The following APOLD1 variants were observed in gnomAD, a reference collection of about 807,000 sequenced individuals.
APOLD1 encodes the protein apolipoprotein L domain-containing protein 1.
Under a neutral mutation model 15.3 loss-of-function variants are expected in APOLD1, and 22 were observed. The observed-to-expected ratio is 1.44, with a 90% CI of 1.03 to 2.05. The LOEUF is 2.05. APOLD1 is among the 30% of genes most tolerant of loss of function. The pLI is 0.00. For synonymous variants in APOLD1, 190 were observed against 167.4 expected, an observed-to-expected ratio of 1.13 and a Z score of -1.04; for missense variants, 394 against 353.5, an observed-to-expected ratio of 1.11 and a Z score of -0.92.
intron 1 of APOLD1, among the ~76,000 whole-genome samples, chr12:12,777,152 A>G (rs1396551376): frequency 1.3e-5 from 2 of 152,144 alleles, no homozygotes; most frequent in African/African-American, 4.8e-5. Flanking sequence ...CTGAGTATAT[A>G]TGTAATGTGG....
At chr12:12,779,718 G>A (rs968023565) in intron 1 of APOLD1, among the ~76,000 whole-genome samples, 2 of 152,144 alleles carry the variant, frequency 1.3e-5, no homozygotes, top group Non-Finnish European at 1.5e-5. Context: ...CAAACAATGG[G>A]ATTATTACAT....
At position 12,787,349 on chromosome 12, in the gene APOLD1, G is replaced by A; in HGVS notation, c.444G>A (p.Gly148=). 1 of 1,614,018 alleles carries A rather than the reference G, an allele frequency of 6.2e-7. No individual in the cohort carries two copies. Among genetic ancestry groups the A allele is most frequent in the Non-Finnish European group, 8.5e-7 (1 of 1,180,028 alleles). ...LEFFCRWQGC[G]DRQLLQCGRN... is the part of the protein sequence containing the mutation. Reference sequence around the variant, plus strand: ...TTTTCTGCCGCTGGCAGGGCTGCGGGGACCGCCAGCTGCTGCAGTGCGGGA... The same window carrying A: ...TTTTCTGCCGCTGGCAGGGCTGCGGAGACCGCCAGCTGCTGCAGTGCGGGA... Residue 148 remains glycine, a synonymous_variant, in exon 2 of 2, where the codon GGG becomes GGA. Transcript: ENST00000356591. The surrounding 1 kb of genome is among the most constrained non-coding windows in gnomAD (Gnocchi z 4.9).
chr12:12,783,035 G>GTC (rs1160449788), upstream of APOLD1, among the ~76,000 whole-genome samples: 1 of 151,642 alleles, frequency 6.6e-6, no homozygotes, highest in Non-Finnish European at 1.5e-5. Flanking sequence ...GCGAAACCCC[G>GTC]TCTCTACTAA....
In APOLD1 at chr12:12,758,342, C is replaced by T. The variant is rs192353174; in HGVS notation, c.97-28567C>T. On this transcript the variant is annotated intron_variant, in intron 1 of 1. Transcript: ENST00000326765. ...CAGGTGGATCACGAGGTCAGGAGTT[C>T]GAGACCAGCCTGGTCAACATGGTGA... Among the ~76,000 whole-genome samples the T allele has an allele frequency of 5.4e-3, 821 of 151,986 alleles. 2 individuals carry two copies. Among genetic ancestry groups the T allele is most frequent in the Non-Finnish European group, 9.3e-3 (635 of 67,956 alleles).
At chr12:12,761,419 T>C (rs1946897526) in intron 1 of APOLD1, among the ~76,000 whole-genome samples, 1 of 152,250 alleles carries the variant, frequency 6.6e-6, no homozygotes, top group Non-Finnish European at 1.5e-5. Context: ...TGTTGTTCAT[T>C]AGTTGTAAGT....
upstream of APOLD1, among the ~76,000 whole-genome samples, chr12:12,782,165 A>G (rs1947086061): frequency 6.6e-6 from 1 of 152,118 alleles, no homozygotes; most frequent in African/African-American, 2.4e-5. Context: ...AGGCTGAGGC[A>G]GGAGAATCGT....
At chr12:12,753,544 C>T (rs1386036154) in intron 1 of APOLD1, among the ~76,000 whole-genome samples, 1 of 151,884 alleles carries the variant, frequency 6.6e-6, no homozygotes, top group African/African-American at 2.4e-5. Flanking sequence ...TGGTGTGTGC[C>T]TGTAATCCCA....
rs557476069 is a variant in APOLD1, at chr12:12,755,979, C to T, written c.96+29883C>T. On this transcript the variant is annotated intron_variant, in intron 1 of 1. Coordinates refer to the APOLD1 transcript ENST00000326765. Reference sequence around the variant, plus strand: ...TGTCAGCCAATTCCTTAAACTAAACCTTTCTCTCTCTATATAAGTCTATAT... The same window carrying T: ...TGTCAGCCAATTCCTTAAACTAAACTTTTCTCTCTCTATATAAGTCTATAT... 1.5e-4 allele frequency among the ~76,000 whole-genome samples: 23 copies of T among 152,304 alleles called. No homozygotes were observed. In the South Asian group the frequency reaches 4.8e-3, roughly 32 times the overall value.
chr12:12,787,274 C>A lies in APOLD1; in HGVS notation c.369C>A (p.Ile123=). 1.3e-6 allele frequency: 2 copies of A among 1,598,862 alleles called. No homozygotes were observed. The highest frequency in any genetic ancestry group is 8.5e-7 in the Non-Finnish European group (1 of 1,173,772). ...NSRELRRVQE[I]AATCQDQMRE... ...GGGAGCTGCGGAGGGTGCAGGAGAT[C>A]GCGGCCACCTGCCAGGACCAGATGC... is the stretch of plus-strand genomic sequence containing the variant. Residue 123 remains isoleucine (I), a synonymous_variant, in exon 2 of 2, where the codon ATC becomes ATA. Transcript: ENST00000356591. This position sits in a 1 kb window ranked among gnomAD's most constrained non-coding sequence, Gnocchi z 4.9.
chr12:12,774,697 A>T (rs1031584757), intron 1 of APOLD1, among the ~76,000 whole-genome samples: 1 of 152,116 alleles, frequency 6.6e-6, no homozygotes, highest in Non-Finnish European at 1.5e-5. Context: ...ATATATGAAA[A>T]GACGTCCCAA....
chr12:12,789,612 G>A lies in APOLD1; in HGVS notation c.*1960G>A, dbSNP rs1041548660. On this transcript the variant is annotated 3_prime_UTR_variant, in exon 2 of 2. Transcript: ENST00000356591. Reference sequence around the variant, plus strand: ...GACAGACAAAATCGCTTGTCTTATGGTGGTGATGTGTTGCATTTTCACTTT... The same window carrying A: ...GACAGACAAAATCGCTTGTCTTATGATGGTGATGTGTTGCATTTTCACTTT... 4 of 152,220 alleles carry A rather than the reference G, an allele frequency of 2.6e-5. No individual in the cohort carries two copies. Among genetic ancestry groups the A allele is most frequent in the African/African-American group, 9.7e-5 (4 of 41,448 alleles). The allele number at this position is 152,220 out of a possible 1,614,324, so 9.4% of individuals were successfully genotyped here.
chr12:12,728,764 A>T (rs902871375), intron 1 of APOLD1, among the ~76,000 whole-genome samples: 3 of 152,126 alleles, frequency 2.0e-5, no homozygotes, highest in Non-Finnish European at 4.4e-5. Context: ...GCCAAAAAAA[A>T]CTATTTAGAC....
intron 1 of APOLD1, among the ~76,000 whole-genome samples, chr12:12,748,434 T>C (rs370573303): frequency 1.3e-5 from 2 of 152,190 alleles, no homozygotes; most frequent in African/African-American, 4.8e-5. Flanking sequence ...TTGCTTAGAT[T>C]TTCTCTTTCT....
upstream of APOLD1, among the ~76,000 whole-genome samples, chr12:12,782,635 C>T (rs1947090386): frequency 6.6e-6 from 1 of 152,078 alleles, no homozygotes; most frequent in Admixed American, 6.6e-5. Context: ...CCATTGCACT[C>T]CCACTTGAGT....
intron 1 of APOLD1, chr12:12,771,465 G>A: frequency 4.2e-6 from 2 of 475,476 alleles, no homozygotes; most frequent in Non-Finnish European, 8.2e-6. Flanking sequence ...CCTGGTTTCA[G>A]TGCAAAGTTT....
chr12:12,781,153 A>T (rs1465820984), upstream of APOLD1, among the ~76,000 whole-genome samples: 1 of 152,224 alleles, frequency 6.6e-6, no homozygotes, highest in African/African-American at 2.4e-5. Flanking sequence ...TTTAAAAATC[A>T]ACTGAGAGGC....
chr12:12,726,212 C>T, intron 1 of APOLD1: 1 of 762,624 alleles, frequency 1.3e-6, no homozygotes, highest in Non-Finnish European at 2.0e-6. Context: ...GTTATTTCAA[C>T]CGCCACTCAG....
chr12:12,730,162 C>T (rs1211113407), intron 1 of APOLD1, among the ~76,000 whole-genome samples: 4 of 151,240 alleles, frequency 2.6e-5, no homozygotes, highest in Admixed American at 6.6e-5. Context: ...GATCTTCCTG[C>T]CTTAGCCTCC....
At chr12:12,748,444 T>G (rs1323484537) in intron 1 of APOLD1, among the ~76,000 whole-genome samples, 1 of 152,248 alleles carries the variant, frequency 6.6e-6, no homozygotes, top group Non-Finnish European at 1.5e-5. Flanking sequence ...TTTCTCTTTC[T>G]TTCTTAGCAT....
Sources: allele counts gnomAD v4.1 joint callset (sites outside exome capture counted in the v4.1 genomes callset), GRCh38; gene constraint gnomAD v4.1.1; non-coding constraint Gnocchi (gnomAD v3.1); transcripts MANE v1.5; gene names NCBI Gene and HGNC (gene_info 2026-07-23, HGNC 2026-07-21).